SH3KBP1: variants seen among roughly 807,000 people sequenced by gnomAD.
SH3KBP1 encodes the protein SH3 domain containing kinase binding protein 1.
SH3KBP1 carries 8 observed loss-of-function variants against 50.1 expected under a neutral mutation model. The ratio of observed to expected loss-of-function variants is 0.16; its 90% CI spans 0.09 to 0.29. SH3KBP1 has a LOEUF of 0.29. SH3KBP1 is among the 10% of genes least tolerant of loss of function. SH3KBP1 has a pLI of 1.00. For synonymous variants in SH3KBP1, 227 were observed against 218.6 expected, an observed-to-expected ratio of 1.04 and a Z score of -0.34; for missense variants, 377 against 535.2, an observed-to-expected ratio of 0.70 and a Z score of 2.92.
rs764070758 is a variant in SH3KBP1 at position 19,826,685 on chromosome X, A to AATAACGTAAC, written c.162+9439_162+9440insGTTACGTTAT. Among the ~76,000 whole-genome samples, 10 of 89,677 alleles carry AATAACGTAAC rather than the reference A, an allele frequency of 1.1e-4. 1 individual carries two copies. In the East Asian group the frequency reaches 2.9e-3, roughly 26 times the overall value. The allele number at this position is 89,677 out of a possible 115,157, so 77.9% of individuals were successfully genotyped here. A position where few individuals can be genotyped will look rare whatever the true frequency, so the allele number is the denominator to read the frequency against. ...GCTATGGAAGGAGACACTGTCTCTA[A>AATAACGTAAC]ATAACATAACATAACATAACATAAC... is the stretch of plus-strand genomic sequence containing the variant. On this transcript the variant is annotated intron_variant, in intron 2 of 17. Transcript: ENST00000397821.
At chrX:19,675,443 C>T (rs944596655) in intron 6 of SH3KBP1, among the ~76,000 whole-genome samples, 2 of 107,878 alleles carry the variant, frequency 1.9e-5, no homozygotes, top group South Asian at 8.3e-4. Flanking sequence ...CTCGCTCTGT[C>T]GCCCAGGCTG....
At chrX:19,649,223 G>T (rs2062063917) in intron 6 of SH3KBP1, among the ~76,000 whole-genome samples, 1 of 111,968 alleles carries the variant, frequency 8.9e-6, no homozygotes, top group African/African-American at 3.2e-5. Context: ...CACCAGCCAT[G>T]CACTAAGGGG....
At chrX:19,691,739 GA>G (rs779892020) in intron 5 of SH3KBP1, among the ~76,000 whole-genome samples, 17 of 111,457 alleles carry the variant, frequency 1.5e-4, no homozygotes, top group African/African-American at 5.2e-4. Flanking sequence ...GACTTTAGGG[GA>G]AAGTGAACAG....
chrX:19,611,707 C>T (rs190260393), intron 8 of SH3KBP1, among the ~76,000 whole-genome samples: 7 of 110,982 alleles, frequency 6.3e-5, no homozygotes, highest in Admixed American at 1.9e-4. Flanking sequence ...TACATAATGA[C>T]ATTGTATGTC....
intron 12 of SH3KBP1, chrX:19,588,222 G>T: frequency 3.3e-6 from 2 of 614,124 alleles, no homozygotes; most frequent in Middle Eastern, 5.6e-4. Flanking sequence ...AAGCCCTGCA[G>T]AGCAGTGAGG....
chrX:19,623,537 TAGCC>T (rs1163465488), intron 8 of SH3KBP1, among the ~76,000 whole-genome samples: 1 of 111,379 alleles, frequency 9.0e-6, no homozygotes, highest in Non-Finnish European at 1.9e-5. Context: ...ATACAAAAAT[TAGCC>T]AGGCATGATG....
Position 19,550,101 on chromosome X carries a change from C to T in SH3KBP1, c.1385-18G>A, listed in dbSNP as rs1326415157. On this transcript the variant is annotated intron_variant, in intron 13 of 17. Transcript: ENST00000397821. ...TTCTAAGTCTAAAACAAAAGTAAAA[C>T]AGTTTTAAGAGCCAAAATAGGAGCA... is the stretch of plus-strand genomic sequence containing the variant. 27 of 1,104,618 alleles carry T rather than the reference C, an allele frequency of 2.4e-5. No individual in the cohort carries two copies. Among genetic ancestry groups the T allele is most frequent in the Non-Finnish European group, 3.1e-5 (25 of 801,431 alleles). 91.0% of individuals were successfully genotyped at this position (1,104,618 alleles called of 1,213,427 possible). A position where few individuals can be genotyped will look rare whatever the true frequency, so the allele number is the denominator to read the frequency against.
At position 19,746,425 on chromosome X, in the gene SH3KBP1, A is replaced by T; in HGVS notation, c.179T>A (p.Met60Lys). The change falls in exon 3 of 18, where the codon ATG becomes AAG. Residue 60 changes from methionine to lysine, a missense_variant. Coordinates refer to ENST00000397821, the MANE Select transcript of SH3KBP1 (RefSeq NM_031892.3). The part of the protein sequence containing the change: ...DNFVREIKKE[M>K]KKDPLTNKAP... ...TTTGTTGGTGAGAGGGTCTTTCTTC[A>T]TCTCTTTCTTTATTTCCTGTGAGGA... The T allele has an allele frequency of 1.0e-5, 12 of 1,201,288 alleles. No individual in the cohort carries two copies. Among genetic ancestry groups the T allele is most frequent in the Non-Finnish European group, 1.3e-5 (12 of 891,926 alleles).
intron 2 of SH3KBP1, among the ~76,000 whole-genome samples, chrX:19,820,196 G>C (rs1308821238): frequency 8.9e-6 from 1 of 112,067 alleles, no homozygotes; most frequent in Non-Finnish European, 1.9e-5. Flanking sequence ...TTCTGTGTAG[G>C]ATATTCTGTA....
chrX:19,682,921 AAAC>A (rs1163176056), intron 6 of SH3KBP1, among the ~76,000 whole-genome samples: 6 of 109,787 alleles, frequency 5.5e-5, no homozygotes, highest in African/African-American at 1.7e-4. Flanking sequence ...AAAGAAAAAA[AAAC>A]AACAACACTT....
chrX:19,793,733 G>A (rs991674345), intron 2 of SH3KBP1, among the ~76,000 whole-genome samples: 1 of 111,288 alleles, frequency 9.0e-6, no homozygotes, highest in Non-Finnish European at 1.9e-5. Context: ...TGCTAACTTG[G>A]CAGTGATTTT....
At chrX:19,565,051 A>AAT (rs2065796966) in intron 13 of SH3KBP1, among the ~76,000 whole-genome samples, 1 of 66,530 alleles carries the variant, frequency 1.5e-5, no homozygotes, top group African/African-American at 7.5e-5. Context: ...TTCAACTCCA[A>AAT]TTTTTTTTTT....
intron 6 of SH3KBP1, among the ~76,000 whole-genome samples, chrX:19,661,627 GT>G (rs1469425458): frequency 3.9e-3 from 290 of 75,015 alleles, no homozygotes; most frequent in Middle Eastern, 0.022. Context: ...AATAAAGGTT[GT>G]TTTTTTTTTT....
chrX:19,747,820 G>A, intron 2 of SH3KBP1: 1 of 292,323 alleles, frequency 3.4e-6, no homozygotes, highest in Non-Finnish European at 6.8e-6. Flanking sequence ...GCGAAGCTCA[G>A]CCCTAGCCCA....
chrX:19,707,360 G>A, intron 3 of SH3KBP1, among the ~76,000 whole-genome samples: 2 of 112,145 alleles, frequency 1.8e-5, no homozygotes, highest in Middle Eastern at 4.6e-3. Flanking sequence ...AGAGAAAAAA[G>A]AATGGTCTGC....
intron 2 of SH3KBP1, among the ~76,000 whole-genome samples, chrX:19,756,084 C>T (rs1031607599): frequency 4.5e-5 from 5 of 110,710 alleles, no homozygotes; most frequent in Non-Finnish European, 9.4e-5. Flanking sequence ...GTTTTGTCTG[C>T]GGCTTGTCCT....
chrX:19,599,189 C>T (rs73631362), intron 9 of SH3KBP1, among the ~76,000 whole-genome samples: 61 of 111,517 alleles, frequency 5.5e-4, no homozygotes, highest in African/African-American at 1.9e-3. Context: ...AGCCTCCTTT[C>T]GCTGAGGCCA....
intron 6 of SH3KBP1, among the ~76,000 whole-genome samples, chrX:19,665,148 C>T (rs2062564414): frequency 8.9e-6 from 1 of 112,114 alleles, no homozygotes; most frequent in African/African-American, 3.2e-5. Context: ...ACTGAGCAGA[C>T]GTTACCAAAA....
chrX:19,691,446 A>ATT (rs1457082390), intron 5 of SH3KBP1, among the ~76,000 whole-genome samples: 13 of 103,839 alleles, frequency 1.3e-4, no homozygotes, highest in African/African-American at 4.5e-4. Flanking sequence ...ATATATATAT[A>ATT]TTTTCAGGCT....
Sources: allele counts gnomAD v4.1 joint callset (sites outside exome capture counted in the v4.1 genomes callset), GRCh38; gene constraint gnomAD v4.1.1; transcripts MANE v1.5; gene names NCBI Gene and HGNC (gene_info 2026-07-23, HGNC 2026-07-21).